The following RER1 variants were observed in gnomAD, a reference collection of about 807,000 sequenced individuals.
RER1 encodes retention in endoplasmic reticulum sorting receptor 1.
A neutral mutation model predicts 28.3 loss-of-function variants in RER1; 6 were observed. The observed-to-expected ratio is 0.21, with a 90% CI of 0.12 to 0.42. The LOEUF is 0.42. RER1 is among the 10% of genes least tolerant of loss of function. RER1 has a pLI of 1.00. For missense variants in RER1, 159 were observed against 252.9 expected, an observed-to-expected ratio of 0.63 and a Z score of 2.52; for synonymous variants, 110 against 95.9, an observed-to-expected ratio of 1.15 and a Z score of -0.86.
chr1:2,395,207 GTTACCTCCGC>G (rs1642751023), intron 1 of RER1: 1 of 155,680 alleles, frequency 6.4e-6, no homozygotes, highest in African/African-American at 2.4e-5. Context: ...GAGCAGATAC[GTTACCTCCGC>G]TTGCCAGATA....
Position 2,404,754 on chromosome 1 carries a change from G to A in RER1, c.*1630G>A, listed in dbSNP as rs1246158666. 6.6e-6 allele frequency: 1 copy of A among 152,306 alleles called. No individual in the cohort carries two copies. The highest frequency in any genetic ancestry group is 1.5e-5 in the Non-Finnish European group (1 of 68,056). The allele number at this position is 152,306 out of a possible 1,614,324, so 9.4% of individuals were successfully genotyped here. A position where few individuals can be genotyped will look rare whatever the true frequency, so the allele number is the denominator to read the frequency against. On this transcript the variant is annotated 3_prime_UTR_variant, in exon 7 of 7. Coordinates refer to ENST00000605895, the MANE Select transcript of RER1 (RefSeq NM_007033.5). ...GCAGGGAAATGTGGCACACGCCCTCGAGGCATTTTAACACTGCGCTTCAGG... is the reference window on the plus strand; with the variant it reads ...GCAGGGAAATGTGGCACACGCCCTCAAGGCATTTTAACACTGCGCTTCAGG...
intron 6 of RER1, among the ~76,000 whole-genome samples, chr1:2,402,736 C>T (rs1185684478): frequency 1.3e-5 from 2 of 152,210 alleles, no homozygotes; most frequent in Non-Finnish European, 2.9e-5. Flanking sequence ...GTGCTGCGGG[C>T]CTCACTCTGT....
chr1:2,395,977 C>A, intron 2 of RER1, 106 bp downstream of exon 2: 2 of 887,856 alleles, frequency 2.3e-6, no homozygotes, highest in Non-Finnish European at 1.9e-6. Flanking sequence ...GGAGAAGTTA[C>A]TTCGCCTCAG....
At chr1:2,392,360 C>G (rs1055625271) in intron 1 of RER1, among the ~76,000 whole-genome samples, 1 of 152,218 alleles carries the variant, frequency 6.6e-6, no homozygotes, top group African/African-American at 2.4e-5. Context: ...GTGCCCTGTC[C>G]CCATCCTGCG....
rs1277648967 is a variant in RER1, at chr1:2,405,275, A to G, written c.*2151A>G. ...CTCGGGGAGAGCAGCGCCGCCTCCC[A>G]TGGGGCCGTGGGGCTGCTGTTCTCA... On this transcript the variant is annotated 3_prime_UTR_variant, in exon 7 of 7. Coordinates refer to ENST00000605895, the MANE Select transcript of RER1 (RefSeq NM_007033.5). The G allele has an allele frequency of 1.0e-5, 3 of 288,812 alleles. No individual in the cohort carries two copies. The highest frequency in any genetic ancestry group is 2.0e-5 in the Non-Finnish European group (3 of 148,822). 17.9% of individuals were successfully genotyped at this position (288,812 alleles called of 1,614,324 possible).
intron 5 of RER1, chr1:2,401,841 C>T (rs1193458059): frequency 1.2e-5 from 7 of 577,166 alleles, no homozygotes; most frequent in African/African-American, 1.9e-5. Flanking sequence ...GGCCATGCCA[C>T]AGTGACAAGG....
intron 2 of RER1, 109 bp downstream of exon 2, chr1:2,395,980 C>T (rs1455909898): frequency 3.2e-5 from 27 of 856,152 alleles, no homozygotes; most frequent in Non-Finnish European, 4.9e-5. Context: ...GAAGTTACTT[C>T]GCCTCAGGCT....
chr1:2,402,003 G>A, intron 5 of RER1: 5 of 1,497,080 alleles, frequency 3.3e-6, no homozygotes, highest in Non-Finnish European at 4.5e-6. Flanking sequence ...AGTAAGAGAA[G>A]GATGTTTCTG....
At chr1:2,401,013 C>A in intron 5 of RER1, 78 bp downstream of exon 5, 1 of 1,260,902 alleles carries the variant, frequency 7.9e-7, no homozygotes, top group Non-Finnish European at 1.2e-6. Flanking sequence ...GATTTTTGTT[C>A]AAGTCACCTG....
Position 2,403,097 on chromosome 1 carries a change from G to A in RER1, c.564G>A (p.Glu188=), listed in dbSNP as rs745590120. ...THGKRRYRGK[E]DAGKAFAS is the part of the protein sequence containing the mutation. ...GGAAGAGAAGGTACAGAGGCAAGGA[G>A]GATGCCGGCAAGGCCTTCGCCAGCT... Residue 188 remains glutamate, a synonymous_variant, in exon 7 of 7, where the codon GAG becomes GAA. Coordinates refer to ENST00000605895, the MANE Select transcript of RER1 (RefSeq NM_007033.5). The A allele has an allele frequency of 2.0e-5, 33 of 1,614,074 alleles. No individual in the cohort carries two copies. The highest frequency in any genetic ancestry group is 2.6e-5 in the Non-Finnish European group (31 of 1,180,036).
In RER1 at chr1:2,401,398, CTCCTCCTCCCTCCT is replaced by C. The variant is rs1642859443; in HGVS notation, c.365+471_365+484del. Among the ~76,000 whole-genome samples the C allele has an allele frequency of 1.9e-4, 18 of 94,762 alleles. 1 individual carries two copies. The highest frequency in any genetic ancestry group is 9.5e-4 in the East Asian group (3 of 3,158). 62.2% of individuals were successfully genotyped at this position (94,762 alleles called of 152,430 possible). ...CCTCCCTCCTCCTCCCTCCTCCTCC[CTCCTCCTCCCTCCT>C]TCCTCCTTCCTCTCTCCCATCCCCA... On this transcript the variant is annotated intron_variant, in intron 5 of 6. Transcript: ENST00000605895.
chr1:2,395,531 C>CT, intron 1 of RER1: 1 of 486,540 alleles, frequency 2.1e-6, no homozygotes, highest in Admixed American at 3.3e-5. Flanking sequence ...ACGCAGGTGA[C>CT]TGAGGTGCCA....
At chr1:2,400,183 C>T (rs1358369223) in intron 4 of RER1, among the ~76,000 whole-genome samples, 1 of 152,254 alleles carries the variant, frequency 6.6e-6, no homozygotes, top group Non-Finnish European at 1.5e-5. Context: ...AACCCACACG[C>T]AGCTCCCTGC....
At chr1:2,401,851 G>A (rs1008773462) in intron 5 of RER1, 10 of 605,378 alleles carry the variant, frequency 1.7e-5, no homozygotes, top group Non-Finnish European at 2.3e-5. Flanking sequence ...CAGTGACAAG[G>A]TGAAGGCCCT....
At chr1:2,400,997 T>A in intron 5 of RER1, 62 bp downstream of exon 5, 1 of 1,406,886 alleles carries the variant, frequency 7.1e-7, no homozygotes, top group Non-Finnish European at 1.0e-6. Context: ...AGACTGAGAC[T>A]ACACTGATTT....
chr1:2,402,037 G>A, intron 5 of RER1, 170 bp from the exon 6 acceptor site: 1 of 1,550,862 alleles, frequency 6.4e-7, no homozygotes, highest in Non-Finnish European at 8.7e-7. Flanking sequence ...ACATGTCTGT[G>A]AGCTACATGC....
At chr1:2,401,258 C>CCTCCTTCCTCT (rs1642847972) in intron 5 of RER1, among the ~76,000 whole-genome samples, 1 of 126,546 alleles carries the variant, frequency 7.9e-6, no homozygotes, top group African/African-American at 2.9e-5. Context: ...CTCCTTCCTC[C>CCTCCTTCCTCT]CTCCTCCACC....
Position 2,399,373 on chromosome 1 carries a change from ACGGTCAGAGTGCACCACTGACTCT to A in RER1, c.187-40_187-17del. 1 of 1,346,428 alleles carries A rather than the reference ACGGTCAGAGTGCACCACTGACTCT, an allele frequency of 7.4e-7. No homozygotes were observed. Among genetic ancestry groups the A allele is most frequent in the Middle Eastern group, 1.8e-4 (1 of 5,578 alleles). 83.4% of individuals were successfully genotyped at this position (1,346,428 alleles called of 1,614,324 possible). Reference sequence around the variant, plus strand: ...AACGTGAACTGGCTCAGGCTGATGGACGGTCAGAGTGCACCACTGACTCTCTTTCCTTCTCTTTCAGGGTTGGTA... The same window carrying A: ...AACGTGAACTGGCTCAGGCTGATGGACTTTCCTTCTCTTTCAGGGTTGGTA... On this transcript the variant is annotated intron_variant, in intron 3 of 6. Transcript: ENST00000605895.
At chr1:2,400,709 C>T (rs1557903312) in intron 4 of RER1, 148 bp from the exon 5 acceptor site, 1 of 704,980 alleles carries the variant, frequency 1.4e-6, no homozygotes, top group South Asian at 1.7e-5. Flanking sequence ...TGACCACAGA[C>T]CCCCGTTTTC....
Sources: gnomAD v4.1 joint callset for allele counts (sites outside exome capture counted in the v4.1 genomes callset) on GRCh38, gnomAD v4.1.1 for gene constraint, MANE v1.5 for transcripts, NCBI Gene and HGNC (gene_info 2026-07-23, HGNC 2026-07-21) for gene names.